Variants in TMEM232 observed in about 807,000 individuals in gnomAD.
The protein encoded by TMEM232 is transmembrane protein 232.
A neutral mutation model predicts 78.8 loss-of-function variants in TMEM232; 80 were observed. The ratio of observed to expected loss-of-function variants is 1.01; its 90% CI spans 0.85 to 1.22. The LOEUF (loss-of-function observed/expected upper bound fraction) is 1.22. Ranked by LOEUF, TMEM232 falls within the 50% of genes most tolerant of loss-of-function variation. The probability of loss-of-function intolerance (pLI) is 0.00; values close to 1 mark genes in which losing one functional copy is unlikely to be tolerated. For synonymous variants in TMEM232, 297 were observed against 254.3 expected (o/e 1.17, Z -1.60); for missense variants, 881 against 742.2 (o/e 1.19, Z -2.17).
rs578166793 is a variant in TMEM232, at chr5:110,596,994, A to G, written c.1276+8115T>C. Among the ~76,000 whole-genome samples the G allele has an allele frequency of 3.9e-5, 6 of 152,280 alleles. No homozygotes were observed. The East Asian group carries it at 1.2e-3, about 29-fold the overall frequency. On this transcript the variant is annotated intron_variant, in intron 10 of 13. Coordinates refer to ENST00000455884, the MANE Select transcript of TMEM232 (RefSeq NM_001039763.4). ...CTCTCTCACCCCTCCTATTCAACAT[A>G]GTGTTGGAAGTTCTGGCCAGGGCAA...
chr5:110,416,324 C>G (rs1320735294), downstream of TMEM232, among the ~76,000 whole-genome samples: 1 of 152,178 alleles, frequency 6.6e-6, no homozygotes, highest in Non-Finnish European at 1.5e-5. Flanking sequence ...CATGACTCTA[C>G]CTTCCTTTGT....
At chr5:110,555,621 G>A (rs1774985174) in intron 11 of TMEM232, among the ~76,000 whole-genome samples, 1 of 152,126 alleles carries the variant, frequency 6.6e-6, no homozygotes, top group African/African-American at 2.4e-5. Flanking sequence ...CTATTATTAT[G>A]TGGTTATGTA....
At chr5:110,696,328 A>C (rs1055211940) in intron 1 of TMEM232, among the ~76,000 whole-genome samples, 11 of 152,166 alleles carry the variant, frequency 7.2e-5, no homozygotes, top group Non-Finnish European at 1.5e-4. Flanking sequence ...TATCTATGAC[A>C]AACCCACAGC....
chr5:110,720,449 A>G (rs1797479977), intron 1 of TMEM232: 1 of 152,120 alleles, frequency 6.6e-6, no homozygotes, highest in Admixed American at 6.6e-5. Flanking sequence ...CTAATAAGAT[A>G]CAGTAACCCT....
chr5:110,517,386 T>A (rs1261108847), intron 12 of TMEM232, among the ~76,000 whole-genome samples: 1 of 152,194 alleles, frequency 6.6e-6, no homozygotes, highest in African/African-American at 2.4e-5. Flanking sequence ...CCAGAGAAAT[T>A]TCTTCAATGC....
upstream of TMEM232, among the ~76,000 whole-genome samples, chr5:110,727,476 G>T (rs1056169859): frequency 3.9e-5 from 6 of 152,110 alleles, no homozygotes; most frequent in African/African-American, 1.4e-4. Flanking sequence ...AGGCGTGGTG[G>T]CACCCACCTA....
At chr5:110,530,276 G>C (rs370521604) in intron 11 of TMEM232, among the ~76,000 whole-genome samples, 1 of 152,164 alleles carries the variant, frequency 6.6e-6, no homozygotes, top group Admixed American at 6.5e-5. Context: ...CACTGTGAAA[G>C]TCATAGAGGA....
At chr5:110,646,335 C>CT (rs1303868606) in intron 2 of TMEM232, among the ~76,000 whole-genome samples, 2 of 151,530 alleles carry the variant, frequency 1.3e-5, no homozygotes, top group East Asian at 3.9e-4. Context: ...TATTACAAAG[C>CT]CACAGTAATT....
intron 10 of TMEM232, among the ~76,000 whole-genome samples, chr5:110,574,354 GT>G (rs1777326425): frequency 6.6e-6 from 1 of 152,096 alleles, no homozygotes; most frequent in Non-Finnish European, 1.5e-5. Context: ...AGTGATGATA[GT>G]TTGGACTTGG....
At chr5:110,712,305 C>A (rs1467155395) in intron 1 of TMEM232, among the ~76,000 whole-genome samples, 2 of 151,770 alleles carry the variant, frequency 1.3e-5, no homozygotes, top group African/African-American at 4.8e-5. Context: ...AACAAAGAGA[C>A]CACCCAAAGA....
intron 12 of TMEM232, among the ~76,000 whole-genome samples, chr5:110,432,991 A>C (rs1433865616): frequency 6.6e-6 from 1 of 151,712 alleles, no homozygotes; most frequent in Non-Finnish European, 1.5e-5. Context: ...TAAAACACTT[A>C]CTTCTAGCCT....
intron 11 of TMEM232, among the ~76,000 whole-genome samples, chr5:110,549,150 A>T (rs978921119): frequency 6.6e-6 from 1 of 152,164 alleles, no homozygotes; most frequent in Non-Finnish European, 1.5e-5. Flanking sequence ...TACAAAACAC[A>T]TATTAGAAAA....
intron 1 of TMEM232, among the ~76,000 whole-genome samples, chr5:110,723,672 C>G (rs1354178819): frequency 6.6e-6 from 1 of 152,188 alleles, no homozygotes; most frequent in East Asian, 1.9e-4. Context: ...AGCTTCCTAT[C>G]CAATATTCAC....
chr5:110,708,699 G>A (rs756971269), intron 1 of TMEM232, among the ~76,000 whole-genome samples: 4 of 151,784 alleles, frequency 2.6e-5, no homozygotes, highest in Non-Finnish European at 5.9e-5. Flanking sequence ...CAAGCCTAAT[G>A]GTAAGTGCAA....
At chr5:110,564,656 T>C (rs149742960) in intron 11 of TMEM232, among the ~76,000 whole-genome samples, 255 of 151,958 alleles carry the variant, frequency 1.7e-3, no homozygotes, top group African/African-American at 5.9e-3. Context: ...CCTAGGCAAA[T>C]TGGAATGCTT....
At chr5:110,503,130 C>T (rs185713329) in intron 12 of TMEM232, among the ~76,000 whole-genome samples, 1 of 152,126 alleles carries the variant, frequency 6.6e-6, no homozygotes, top group Non-Finnish European at 1.5e-5. Flanking sequence ...TTACTATGAT[C>T]CCAAAGCTTA....
chr5:110,721,673 G>A (rs2900051), intron 1 of TMEM232, among the ~76,000 whole-genome samples: 10,338 of 34,742 alleles, frequency 0.3, 2,821 homozygotes, highest in African/African-American at 0.56. Context: ...GTGTGTGTGT[G>A]TATATATATA....
At chr5:110,424,664 A>T (rs1245905190) in intron 13 of TMEM232, among the ~76,000 whole-genome samples, 159 bp downstream of exon 13, 1 of 126,062 alleles carries the variant, frequency 7.9e-6, no homozygotes, top group Non-Finnish European at 1.7e-5. Flanking sequence ...ACTGGTGTAC[A>T]GATAACATAG....
At chr5:110,709,057 A>G (rs1243497306) in intron 1 of TMEM232, among the ~76,000 whole-genome samples, 1 of 152,194 alleles carries the variant, frequency 6.6e-6, no homozygotes, top group Non-Finnish European at 1.5e-5. Flanking sequence ...CACGTGAATG[A>G]AAACCAAAAC....
Sources: gnomAD v4.1 joint callset for allele counts (sites outside exome capture counted in the v4.1 genomes callset) on GRCh38, gnomAD v4.1.1 for gene constraint, MANE v1.5 for transcripts, NCBI Gene and HGNC (gene_info 2026-07-23, HGNC 2026-07-21) for gene names.